ADAMTSL1: variants seen among roughly 807,000 people sequenced by gnomAD.
ADAMTSL1 encodes ADAMTS like 1.
A neutral mutation model predicts 201.8 loss-of-function variants in ADAMTSL1; 126 were observed. The ratio of observed to expected loss-of-function variants is 0.62; its 90% CI spans 0.54 to 0.72. The LOEUF is 0.72. ADAMTSL1 is among the 30% of genes least tolerant of loss of function. ADAMTSL1 has a pLI of 0.00. For synonymous variants in ADAMTSL1, 1,121 were observed against 903.4 expected, an observed-to-expected ratio of 1.24 and a Z score of -4.32; for missense variants, 2,679 against 2,277.8, an observed-to-expected ratio of 1.18 and a Z score of -3.59.
At chr9:18,524,099 G>T (rs1057409386) in intron 2 of ADAMTSL1, among the ~76,000 whole-genome samples, 2 of 151,206 alleles carry the variant, frequency 1.3e-5, no homozygotes, top group Non-Finnish European at 2.9e-5. Context: ...CCATTTGTTT[G>T]TATCCTCTTT....
chr9:18,398,088 G>A (rs1817824114), intron 2 of ADAMTSL1, among the ~76,000 whole-genome samples: 1 of 152,126 alleles, frequency 6.6e-6, no homozygotes, highest in Non-Finnish European at 1.5e-5. Context: ...TGGCTTTATA[G>A]TATTGGTTTT....
intron 2 of ADAMTSL1, among the ~76,000 whole-genome samples, chr9:18,315,333 A>C (rs1586880023): frequency 6.6e-6 from 1 of 151,540 alleles, no homozygotes. Flanking sequence ...ATCCCGCGCC[A>C]GGGTCGCAGG....
intron 3 of ADAMTSL1, among the ~76,000 whole-genome samples, chr9:18,552,210 T>C (rs1438035165): frequency 6.6e-6 from 1 of 151,836 alleles, no homozygotes; most frequent in Admixed American, 6.6e-5. Context: ...ATTTCAGACT[T>C]TCTTGTTTTC....
intron 19 of ADAMTSL1, among the ~76,000 whole-genome samples, chr9:18,793,970 T>A (rs376806529): frequency 2.6e-5 from 4 of 151,324 alleles, no homozygotes; most frequent in African/African-American, 9.7e-5. Flanking sequence ...TTGGGTGGAG[T>A]GGGTTTGAAG....
intron 1 of ADAMTSL1, among the ~76,000 whole-genome samples, chr9:18,002,877 A>G (rs770398310): frequency 3.9e-5 from 6 of 152,064 alleles, no homozygotes; most frequent in Admixed American, 1.3e-4. Flanking sequence ...GAATTGGGCT[A>G]AAACCAAGAT....
At chr9:18,233,065 G>A (rs1431622251) in intron 2 of ADAMTSL1, among the ~76,000 whole-genome samples, 1 of 152,154 alleles carries the variant, frequency 6.6e-6, no homozygotes, top group East Asian at 1.9e-4. Context: ...GGTTCCTCAA[G>A]CACAGAGCTT....
chr9:18,768,677 C>G (rs1315749088), intron 16 of ADAMTSL1, among the ~76,000 whole-genome samples: 1 of 152,072 alleles, frequency 6.6e-6, no homozygotes, highest in Admixed American at 6.5e-5. Flanking sequence ...GACTCTAAGA[C>G]TAAAAGGCTT....
At chr9:18,325,862 TC>T (rs1457785224) in intron 2 of ADAMTSL1, among the ~76,000 whole-genome samples, 1 of 152,008 alleles carries the variant, frequency 6.6e-6, no homozygotes, top group Non-Finnish European at 1.5e-5. Context: ...TGCCTCCGCC[TC>T]CCGCGTCGCT....
chr9:18,444,187 AT>A (rs771978060), intron 2 of ADAMTSL1, among the ~76,000 whole-genome samples: 3 of 152,114 alleles, frequency 2.0e-5, no homozygotes, highest in Non-Finnish European at 4.4e-5. Flanking sequence ...TAGAATCTTT[AT>A]TTTTTTAGTT....
rs184898981 is a variant in ADAMTSL1 at position 17,956,617 on chromosome 9, T to A, written c.87+49695T>A. Among the ~76,000 whole-genome samples the A allele has an allele frequency of 7.9e-5, 12 of 152,272 alleles. No homozygotes were observed. The East Asian group carries it at 2.3e-3, about 29-fold the overall frequency. On this transcript the variant is annotated intron_variant, in intron 1 of 29. Transcript: ENST00000680146. ...AGCATGACTCAGTTTTCCTGCTCTCTCTCTTTCTTTGGACTTCTGGAAAGC... is the reference window on the plus strand; with the variant it reads ...AGCATGACTCAGTTTTCCTGCTCTCACTCTTTCTTTGGACTTCTGGAAAGC...
rs7027218 is a variant in ADAMTSL1, at chr9:18,100,222, G to T, written c.88-63640G>T. Among the ~76,000 whole-genome samples the T allele has an allele frequency of 6.7e-3, 1,017 of 152,122 alleles. 16 individuals carry two copies. The highest frequency in any genetic ancestry group is 0.023 in the African/African-American group (966 of 41,496). The stretch of plus-strand genomic sequence containing the variant: ...GTTCTTTTTGGCTTTCAGTAACTTT[G>T]CTTGGGAGTTGACCGTATTATTTTT... On this transcript the variant is annotated intron_variant, in intron 1 of 29. Coordinates refer to the ADAMTSL1 transcript ENST00000680146.
chr9:18,262,871 C>T (rs1263776633), intron 2 of ADAMTSL1, among the ~76,000 whole-genome samples: 1 of 152,126 alleles, frequency 6.6e-6, no homozygotes, highest in East Asian at 1.9e-4. Flanking sequence ...AGGATCCACA[C>T]TGAAAGAACA....
At chr9:18,037,950 G>A (rs1821270842) in intron 1 of ADAMTSL1, among the ~76,000 whole-genome samples, 1 of 127,708 alleles carries the variant, frequency 7.8e-6, no homozygotes, top group Admixed American at 7.9e-5. Context: ...TGTCTGGTCT[G>A]GTCTGGCATA....
chr9:18,780,009 G>T (rs1309126976), intron 19 of ADAMTSL1, among the ~76,000 whole-genome samples: 1 of 152,206 alleles, frequency 6.6e-6, no homozygotes, highest in Non-Finnish European at 1.5e-5. Context: ...TGTGGAACGA[G>T]ACAGGGCAAT....
Position 18,680,327 on chromosome 9 carries a change from A to T in ADAMTSL1, c.1152A>T (p.Pro384=), listed in dbSNP as rs762265256. The T allele has an allele frequency of 3.7e-6, 6 of 1,613,994 alleles. No individual in the cohort carries two copies. In the South Asian group the frequency reaches 4.4e-5, roughly 12 times the overall value. Residue 384 remains proline, a synonymous_variant, in exon 11 of 29, where the codon CCA becomes CCT. Transcript: ENST00000380548. ...YHPLPRWEAT[P]WTACSSSCGG... ...GCTTCTGTAGGTGGGAGGCCACCCCATGGACCGCGTGCTCCTCCTCGTGTG... is the reference window on the plus strand; with the variant it reads ...GCTTCTGTAGGTGGGAGGCCACCCCTTGGACCGCGTGCTCCTCCTCGTGTG...
chr9:18,579,430 G>A (rs1194572381), intron 4 of ADAMTSL1, among the ~76,000 whole-genome samples: 2 of 149,964 alleles, frequency 1.3e-5, no homozygotes, highest in African/African-American at 2.5e-5. Flanking sequence ...CACCAGCATG[G>A]CACATGTATA....
intron 1 of ADAMTSL1, among the ~76,000 whole-genome samples, chr9:18,078,226 T>C (rs1484461042): frequency 2.0e-5 from 3 of 152,074 alleles, no homozygotes; most frequent in African/African-American, 4.8e-5. Context: ...ATAAAACAAT[T>C]TTTTTCTCCC....
At chr9:18,308,741 G>T (rs556644594) in intron 2 of ADAMTSL1, among the ~76,000 whole-genome samples, 1 of 152,060 alleles carries the variant, frequency 6.6e-6, no homozygotes, top group Non-Finnish European at 1.5e-5. Flanking sequence ...ATTCACAGCC[G>T]AATTCTACCA....
At chr9:18,359,760 T>C (rs1237658870) in intron 2 of ADAMTSL1, among the ~76,000 whole-genome samples, 1 of 151,900 alleles carries the variant, frequency 6.6e-6, no homozygotes, top group Admixed American at 6.6e-5. Context: ...AGGGTGTTCC[T>C]TATTAAAGTG....
Sources: allele counts gnomAD v4.1 joint callset (sites outside exome capture counted in the v4.1 genomes callset), GRCh38; gene constraint gnomAD v4.1.1; transcripts MANE v1.5; gene names NCBI Gene and HGNC (gene_info 2026-07-23, HGNC 2026-07-21).